The following NEDD4L variants were observed in gnomAD, a reference collection of about 807,000 sequenced individuals.
NEDD4L encodes the protein E3 ubiquitin-protein ligase NEDD4-like.
In NEDD4L, 54 loss-of-function variants were observed where a neutral mutation model predicts 148.9. The observed-to-expected ratio is 0.36, with a 90% CI of 0.29 to 0.45. The LOEUF is 0.45. NEDD4L is among the 20% of genes least tolerant of loss of function. The pLI, the probability that NEDD4L is intolerant of heterozygous loss-of-function variation, is 1.00. For synonymous variants in NEDD4L, 433 were observed against 440.7 expected (o/e 0.98, Z 0.22); for missense variants, 856 against 1,233.8 (o/e 0.69, Z 4.59).
At chr18:58,210,897 A>G (rs1285881849) in intron 2 of NEDD4L, among the ~76,000 whole-genome samples, 1 of 152,346 alleles carries the variant, frequency 6.6e-6, no homozygotes, top group East Asian at 1.9e-4. Flanking sequence ...ACTATAATCA[A>G]TAGTTATTTT....
chr18:58,098,259 C>T (rs932392498), intron 1 of NEDD4L, among the ~76,000 whole-genome samples: 2 of 151,992 alleles, frequency 1.3e-5, no homozygotes, highest in Non-Finnish European at 2.9e-5. Context: ...AGCCTGTTGC[C>T]CAGCCTGCAG....
At position 58,358,781 on chromosome 18, in the gene NEDD4L, T is replaced by G. The variant is rs150229427; in HGVS notation, c.1767+1529T>G. 2.9e-3 allele frequency among the ~76,000 whole-genome samples: 436 copies of G among 152,314 alleles called. 5 individuals carry two copies. The highest frequency in any genetic ancestry group is 1.0e-2 in the African/African-American group (415 of 41,566). ...TTTGTTGTCATTCAGTTCTAAATAT[T>G]TGGCAATTTTCATTTGATTTTTCTT... is the stretch of plus-strand genomic sequence containing the variant. On this transcript the variant is annotated intron_variant, in intron 19 of 30. Transcript: ENST00000400345.
chr18:58,147,188 T>C (rs970019922), intron 1 of NEDD4L, among the ~76,000 whole-genome samples: 2 of 152,226 alleles, frequency 1.3e-5, no homozygotes, highest in Non-Finnish European at 2.9e-5. Context: ...AGAGAAAGGC[T>C]GTGAGAGTGC....
Position 58,366,480 on chromosome 18 carries a change from G to C in NEDD4L, c.2063+252G>C. ...GGTTCATGGAGTTGAAATTGAAAAC[G>C]TGGATAATTATGATAAGGAACAGGA... is the stretch of plus-strand genomic sequence containing the variant. On this transcript the variant is annotated intron_variant, in intron 21 of 30. Transcript: ENST00000400345. This position sits in a 1 kb window ranked among gnomAD's most constrained non-coding sequence, Gnocchi z 4.2. The C allele has an allele frequency of 2.8e-6, 1 of 357,398 alleles. No homozygotes were observed. The allele number at this position is 357,398 out of a possible 1,614,324, so 22.1% of individuals were successfully genotyped here.
intron 2 of NEDD4L, chr18:58,195,516 C>G (rs1309736354): frequency 3.0e-6 from 4 of 1,344,792 alleles, no homozygotes; most frequent in Admixed American, 3.9e-5. Flanking sequence ...GCGCAGGGCC[C>G]TACCTGGGCG....
chr18:58,385,608 T>G (rs2048905899), intron 26 of NEDD4L, 22 bp downstream of exon 26: 1 of 1,604,596 alleles, frequency 6.2e-7, no homozygotes, highest in African/African-American at 1.3e-5. Flanking sequence ...TGGCCAGGGT[T>G]CTCTGCCATG....
chr18:58,191,677 G>T (rs529908786), intron 2 of NEDD4L, among the ~76,000 whole-genome samples: 2 of 152,344 alleles, frequency 1.3e-5, no homozygotes, highest in South Asian at 4.1e-4. Flanking sequence ...GCCACCCTCA[G>T]TGTGTAGCCA....
intron 2 of NEDD4L, among the ~76,000 whole-genome samples, chr18:58,184,126 G>C (rs181380569): frequency 3.3e-5 from 5 of 152,168 alleles, no homozygotes; most frequent in African/African-American, 1.2e-4. Flanking sequence ...CCGAGATCGC[G>C]CCCCATTACT....
At position 58,256,634 on chromosome 18, in the gene NEDD4L, T is replaced by C. The variant is rs555335609; in HGVS notation, c.297+4580T>C. 2.4e-4 allele frequency: 297 copies of C among 1,232,026 alleles called. No homozygotes were observed. The African/African-American group carries it at 3.9e-3, about 16-fold the overall frequency. The allele number at this position is 1,232,026 out of a possible 1,614,324, so 76.3% of individuals were successfully genotyped here. On this transcript the variant is annotated intron_variant, in intron 5 of 30. Transcript: ENST00000400345. The surrounding 1 kb of genome is among the most constrained non-coding windows in gnomAD (Gnocchi z 5.2). ...GGAGAGGACTCCGCAGGGCCAGGGGTGCACATTTAAGATCAGGCAGGATCA... is the reference window on the plus strand; with the variant it reads ...GGAGAGGACTCCGCAGGGCCAGGGGCGCACATTTAAGATCAGGCAGGATCA...
intron 5 of NEDD4L, among the ~76,000 whole-genome samples, chr18:58,283,583 G>C (rs1294789551): frequency 6.6e-6 from 1 of 152,172 alleles, no homozygotes; most frequent in African/African-American, 2.4e-5. Context: ...AAATGATCCT[G>C]AGGCTTTGGG....
At chr18:58,111,495 C>G (rs1047244748) in intron 1 of NEDD4L, among the ~76,000 whole-genome samples, 1 of 152,210 alleles carries the variant, frequency 6.6e-6, no homozygotes, top group African/African-American at 2.4e-5. Context: ...CTACATTTTG[C>G]CTATTCTGGA....
chr18:58,227,313 C>T (rs73454617), intron 2 of NEDD4L, among the ~76,000 whole-genome samples: 10 of 152,140 alleles, frequency 6.6e-5, no homozygotes, highest in Non-Finnish European at 4.4e-5. Context: ...GAGAAAAAAG[C>T]AGACCCCGGA....
chr18:58,310,282 C>T (rs2057532656), intron 5 of NEDD4L, among the ~76,000 whole-genome samples: 2 of 152,168 alleles, frequency 1.3e-5, no homozygotes, highest in Non-Finnish European at 2.9e-5. Flanking sequence ...CTCTAGGACA[C>T]ACCTTACTGT....
intron 2 of NEDD4L, among the ~76,000 whole-genome samples, chr18:58,231,384 A>G (rs1179382977): frequency 6.6e-6 from 1 of 150,992 alleles, no homozygotes; most frequent in Non-Finnish European, 1.5e-5. Flanking sequence ...CATCCTGGGG[A>G]GTTGAGGGAA....
At chr18:58,292,729 C>T (rs2149135191) in intron 5 of NEDD4L, among the ~76,000 whole-genome samples, 1 of 152,206 alleles carries the variant, frequency 6.6e-6, no homozygotes, top group East Asian at 1.9e-4. Flanking sequence ...ATTAAATTCT[C>T]ATCAGATGTT....
intron 5 of NEDD4L, among the ~76,000 whole-genome samples, chr18:58,257,530 A>G (rs1366573929): frequency 6.6e-6 from 1 of 152,158 alleles, no homozygotes; most frequent in African/African-American, 2.4e-5. Flanking sequence ...CGTGCAATTT[A>G]ACACTGCACA....
intron 1 of NEDD4L, among the ~76,000 whole-genome samples, chr18:58,078,666 T>C: frequency 6.6e-6 from 1 of 152,198 alleles, no homozygotes; most frequent in East Asian, 1.9e-4. Context: ...GAAAACAATA[T>C]GTACAATGGA....
chr18:58,279,417 A>G (rs1422593099), intron 5 of NEDD4L, among the ~76,000 whole-genome samples: 1 of 152,222 alleles, frequency 6.6e-6, no homozygotes, highest in African/African-American at 2.4e-5. Flanking sequence ...AGGTGCGACC[A>G]AGGGTCCTGA....
At chr18:58,272,993 C>T (rs554478145) in intron 5 of NEDD4L, among the ~76,000 whole-genome samples, 1 of 152,286 alleles carries the variant, frequency 6.6e-6, no homozygotes, top group Non-Finnish European at 1.5e-5. Flanking sequence ...GTAAGGAAAC[C>T]CCCAACTCAG....
Sources: allele counts gnomAD v4.1 joint callset (sites outside exome capture counted in the v4.1 genomes callset), GRCh38; gene constraint gnomAD v4.1.1; non-coding constraint Gnocchi (gnomAD v3.1); transcripts MANE v1.5; gene names NCBI Gene and HGNC (gene_info 2026-07-23, HGNC 2026-07-21).